FAF1: variants seen among roughly 807,000 people sequenced by gnomAD.
FAF1 encodes Fas associated factor 1.
A neutral mutation model predicts 92.5 loss-of-function variants in FAF1; 25 were observed. The observed-to-expected ratio is 0.27, with a 90% confidence interval of 0.20 to 0.38. The LOEUF (loss-of-function observed/expected upper bound fraction) is 0.38, where lower values mean the gene tolerates loss of function less well. FAF1 is among the 10% of genes least tolerant of loss of function. The pLI, the probability that FAF1 is intolerant of heterozygous loss-of-function variation, is 1.00. For synonymous variants in FAF1, 234 were observed against 273.2 expected (o/e 0.86, Z 1.42); for missense variants, 636 against 793.3 (o/e 0.80, Z 2.38).
chr1:50,475,209 G>A (rs1337788089), intron 18 of FAF1, among the ~76,000 whole-genome samples: 1 of 152,194 alleles, frequency 6.6e-6, no homozygotes, highest in South Asian at 2.1e-4. Flanking sequence ...TGGAATGCTG[G>A]AATAGGGAAA....
intron 8 of FAF1, among the ~76,000 whole-genome samples, chr1:50,618,417 T>G (rs1337137213): frequency 2.1e-5 from 3 of 145,050 alleles, no homozygotes; most frequent in Non-Finnish European, 4.5e-5. Context: ...TTTTAGAGTT[T>G]TTTTTTTTTT....
At chr1:50,783,253 T>C (rs1028522928) in intron 4 of FAF1, among the ~76,000 whole-genome samples, 1 of 152,142 alleles carries the variant, frequency 6.6e-6, no homozygotes, top group African/African-American at 2.4e-5. Context: ...AACATGCAGA[T>C]GGTAACATTA....
At chr1:50,620,815 C>G (rs998556119) in intron 8 of FAF1, among the ~76,000 whole-genome samples, 1 of 152,240 alleles carries the variant, frequency 6.6e-6, no homozygotes, top group Non-Finnish European at 1.5e-5. Context: ...ATCTTTTGTA[C>G]TTTCTTGCAT....
At chr1:50,458,776 G>A (rs985973754) in intron 18 of FAF1, among the ~76,000 whole-genome samples, 2 of 152,136 alleles carry the variant, frequency 1.3e-5, no homozygotes, top group Non-Finnish European at 2.9e-5. Flanking sequence ...CTATGCTAGT[G>A]CTTTATGTGT....
At chr1:50,614,684 A>G (rs1427132571) in intron 8 of FAF1, among the ~76,000 whole-genome samples, 1 of 151,984 alleles carries the variant, frequency 6.6e-6, no homozygotes, top group East Asian at 1.9e-4. Flanking sequence ...TACTAAAAAT[A>G]CAAAATTAGC....
intron 1 of FAF1, among the ~76,000 whole-genome samples, chr1:50,919,826 G>A (rs548438059): frequency 1.2e-4 from 18 of 152,246 alleles, no homozygotes; most frequent in Admixed American, 7.2e-4. Flanking sequence ...GCAATTAAGA[G>A]GAACTGTGAT....
At chr1:50,490,473 G>A (rs548697489) in intron 17 of FAF1, 115 bp downstream of exon 17, 91 of 579,020 alleles carry the variant, frequency 1.6e-4, no homozygotes, top group African/African-American at 1.1e-3. Flanking sequence ...AAAGAAAGAA[G>A]GAAGGAAGGA....
chr1:50,571,174 T>A (rs946930204), intron 12 of FAF1, among the ~76,000 whole-genome samples: 4 of 152,168 alleles, frequency 2.6e-5, no homozygotes, highest in African/African-American at 9.7e-5. Flanking sequence ...CAAATGATAA[T>A]ATTGGGGCAT....
chr1:50,729,565 C>T (rs1218576050), intron 6 of FAF1, among the ~76,000 whole-genome samples: 5 of 151,746 alleles, frequency 3.3e-5, no homozygotes, highest in Admixed American at 3.3e-4. Context: ...TGCCACCATA[C>T]CCGGCTAATT....
rs891724092 is a variant in FAF1 at position 50,584,142 on chromosome 1, C to T, written c.968-427G>A. ...TAAACATCACATCTATTTCTGCCCA[C>T]AGGAGTTCTCTAATTTCACAAAGTA... is the stretch of plus-strand genomic sequence containing the variant. On this transcript the variant is annotated intron_variant, in intron 10 of 18. Coordinates refer to ENST00000396153, the MANE Select transcript of FAF1 (RefSeq NM_007051.3). Among the ~76,000 whole-genome samples, 4 of 152,096 alleles carry T rather than the reference C, an allele frequency of 2.6e-5. No individual in the cohort carries two copies. The East Asian group carries it at 7.7e-4, about 29-fold the overall frequency.
At chr1:50,636,435 G>C (rs940847360) in intron 8 of FAF1, among the ~76,000 whole-genome samples, 9 of 119,008 alleles carry the variant, frequency 7.6e-5, no homozygotes, top group African/African-American at 3.0e-4. Flanking sequence ...ATCCTGGCTT[G>C]AGTATAGTGG....
At chr1:50,746,834 C>A (rs562065764) in intron 4 of FAF1, among the ~76,000 whole-genome samples, 1 of 152,184 alleles carries the variant, frequency 6.6e-6, no homozygotes, top group Non-Finnish European at 1.5e-5. Flanking sequence ...CAGAGGCCTA[C>A]GAGGTGGGTG....
At chr1:50,722,884 G>A (rs780593087) in intron 6 of FAF1, among the ~76,000 whole-genome samples, 14 of 152,122 alleles carry the variant, frequency 9.2e-5, no homozygotes, top group Non-Finnish European at 1.9e-4. Flanking sequence ...TCCTCTTTCA[G>A]TACCTCTCCT....
intron 2 of FAF1, among the ~76,000 whole-genome samples, chr1:50,815,373 C>G (rs1467224871): frequency 2.6e-5 from 4 of 152,168 alleles, no homozygotes; most frequent in Non-Finnish European, 5.9e-5. Flanking sequence ...CAGCTGCATC[C>G]ATGTTACTGT....
intron 18 of FAF1, among the ~76,000 whole-genome samples, chr1:50,466,152 C>T (rs535263641): frequency 3.0e-4 from 45 of 152,054 alleles, no homozygotes; most frequent in Non-Finnish European, 6.0e-4. Context: ...ATAGTGGCTT[C>T]GGCTAGGGTT....
chr1:50,959,493 A>T (rs1396117380), intron 1 of FAF1, among the ~76,000 whole-genome samples: 1 of 152,146 alleles, frequency 6.6e-6, no homozygotes, highest in African/African-American at 2.4e-5. Context: ...CATATAATAC[A>T]GGAAACACTA....
At chr1:50,807,982 A>C (rs1354315587) in intron 2 of FAF1, among the ~76,000 whole-genome samples, 1 of 152,152 alleles carries the variant, frequency 6.6e-6, no homozygotes, top group African/African-American at 2.4e-5. Flanking sequence ...ATCAAAGTGA[A>C]AGATAAAATA....
chr1:50,790,382 C>T (rs1056655247), intron 3 of FAF1, among the ~76,000 whole-genome samples: 6 of 152,064 alleles, frequency 3.9e-5, no homozygotes, highest in Non-Finnish European at 5.9e-5. Context: ...CCTCATGATC[C>T]GCCTGCCTCG....
chr1:50,506,677 A>G (rs572219674), intron 15 of FAF1, among the ~76,000 whole-genome samples: 1 of 152,320 alleles, frequency 6.6e-6, no homozygotes, highest in South Asian at 2.1e-4. Context: ...AAGTTAATGT[A>G]TGGTTGATGC....
Sources: gnomAD v4.1 joint callset for allele counts (sites outside exome capture counted in the v4.1 genomes callset) on GRCh38, gnomAD v4.1.1 for gene constraint, MANE v1.5 for transcripts, NCBI Gene and HGNC (gene_info 2026-07-23, HGNC 2026-07-21) for gene names.